Variants in RFPL4B observed in about 807,000 individuals in gnomAD.
RFPL4B encodes the protein ret finger protein like 4B, also known as ret finger protein-like 4B.
For synonymous variants in RFPL4B, 118 were observed against 126.3 expected, an observed-to-expected ratio of 0.93 and a Z score of 0.44; for missense variants, 314 against 327.7, an observed-to-expected ratio of 0.96 and a Z score of 0.32.
Position 112,350,327 on chromosome 6 carries a change from G to A in RFPL4B, c.619G>A (p.Val207Met), listed in dbSNP as rs746489816. Residue 207 changes from valine to methionine, a missense_variant, in exon 3 of 3, where the codon GTG becomes ATG. Physicochemically the swap from Val to Met is conservative, Grantham distance 21. Coordinates refer to ENST00000441065, the MANE Select transcript of RFPL4B (RefSeq NM_001013734.3). ...RIPASPRLRRVGIFLDADLEE... is the reference protein window; with the variant it reads ...RIPASPRLRRMGIFLDADLEE... ...TCCTGCAAGCCCTCGCCTTCGCCGT[G>A]TGGGAATTTTCCTGGATGCTGACTT... The A allele has an allele frequency of 3.1e-6, 5 of 1,614,266 alleles. No individual in the cohort carries two copies. The highest frequency in any genetic ancestry group is 4.2e-6 in the Non-Finnish European group (5 of 1,180,054).
rs1157473175 is a variant in RFPL4B at position 112,351,135 on chromosome 6, A to C, written c.*635A>C. The C allele has an allele frequency of 6.0e-6, 1 of 167,138 alleles. No homozygotes were observed. Among genetic ancestry groups the C allele is most frequent in the Non-Finnish European group, 1.5e-5 (1 of 68,132 alleles). The allele number at this position is 167,138 out of a possible 1,614,324, so 10.4% of individuals were successfully genotyped here. On this transcript the variant is annotated 3_prime_UTR_variant, in exon 3 of 3. Coordinates refer to ENST00000441065, the MANE Select transcript of RFPL4B (RefSeq NM_001013734.3). ...AATGGTGATTCATATTCTTATGGGA[A>C]GTGTCATTTACCCATCTCAATAATT...
Position 112,350,239 on chromosome 6 carries a change from G to A in RFPL4B, c.531G>A (p.Glu177=). The A allele has an allele frequency of 6.2e-7, 1 of 1,614,216 alleles. No individual in the cohort carries two copies. Among genetic ancestry groups the A allele is most frequent in the African/African-American group, 1.3e-5 (1 of 75,042 alleles). The change falls in exon 3 of 3, where the codon GAG becomes GAA. Residue 177 remains glutamate (E), a synonymous_variant. Coordinates refer to ENST00000441065, the MANE Select transcript of RFPL4B (RefSeq NM_001013734.3). ...ADRKSNDLFP[E]HGFWISMKAG... is the part of the protein sequence containing the mutation. ...GAAAGAGCAATGATTTATTCCCTGA[G>A]CATGGCTTCTGGATCAGCATGAAGG...
At chr6:112,347,734 C>T (rs1351420409) in intron 1 of RFPL4B, among the ~76,000 whole-genome samples, 7 of 152,252 alleles carry the variant, frequency 4.6e-5, no homozygotes, top group African/African-American at 1.7e-4. Flanking sequence ...TTCGCGCCTG[C>T]GCTTTGGGAG....
rs1439631075 is a variant in RFPL4B, at chr6:112,350,376, T to A, written c.668T>A (p.Val223Asp). 2 of 1,614,164 alleles carry A rather than the reference T, an allele frequency of 1.2e-6. No individual in the cohort carries two copies. Among genetic ancestry groups the A allele is most frequent in the Non-Finnish European group, 8.5e-7 (1 of 1,179,990 alleles). ...ADLEEIQFFDVDNNVLIYTHD... is the reference protein window; with the variant it reads ...ADLEEIQFFDDDNNVLIYTHD... ...TTAGAAGAAATCCAGTTTTTTGATG[T>A]TGACAATAATGTCCTCATCTATACA... The change falls in exon 3 of 3, where the codon GTT (valine) becomes GAT (aspartate). Residue 223 changes from valine (V) to aspartate (D), a missense_variant. Val to Asp is a radical substitution (Grantham distance 152). Coordinates refer to ENST00000441065, the MANE Select transcript of RFPL4B (RefSeq NM_001013734.3).
At chr6:112,348,516 C>T (rs1290579104) in intron 1 of RFPL4B, among the ~76,000 whole-genome samples, 3 of 152,204 alleles carry the variant, frequency 2.0e-5, no homozygotes, top group African/African-American at 7.2e-5. Context: ...GTGTTCATCA[C>T]TTCCTCTCTC....
Position 112,349,953 on chromosome 6 carries a change from A to C in RFPL4B, c.245A>C (p.Gln82Pro), listed in dbSNP as rs1169922591. 6.2e-7 allele frequency: 1 copy of C among 1,614,128 alleles called. No individual in the cohort carries two copies. The highest frequency in any genetic ancestry group is 1.7e-5 in the Admixed American group (1 of 60,010). ...AAGCAGCACAATAGCCGACTTGAGC[A>C]AAGTCTGCACGTGAGGGAGGAGCTC... ...MTKQHNSRLE[Q>P]SLHVREELRH... is the part of the protein sequence containing the mutation. Residue 82 changes from glutamine to proline, a missense_variant, in exon 3 of 3, where the codon CAA (glutamine) becomes CCA (proline). Coordinates refer to ENST00000441065, the MANE Select transcript of RFPL4B (RefSeq NM_001013734.3).
At chr6:112,348,983 C>A (rs1301190888) in intron 1 of RFPL4B, among the ~76,000 whole-genome samples, 2 of 152,146 alleles carry the variant, frequency 1.3e-5, no homozygotes, top group Non-Finnish European at 2.9e-5. Context: ...TGCTTTAAAG[C>A]ATTTCATCTA....
chr6:112,348,019 T>C (rs1042589553), intron 1 of RFPL4B, among the ~76,000 whole-genome samples: 4 of 152,232 alleles, frequency 2.6e-5, no homozygotes, highest in African/African-American at 9.6e-5. Context: ...TTAAATATAC[T>C]TGGCCACTTT....
In RFPL4B at chr6:112,350,498, T is replaced by A; in HGVS notation, c.790T>A (p.Ter264ArgextTer10). The A allele has an allele frequency of 6.4e-7, 1 of 1,570,690 alleles. No homozygotes were observed. Among genetic ancestry groups the A allele is most frequent in the Non-Finnish European group, 8.6e-7 (1 of 1,157,720 alleles). The change falls in exon 3 of 3, where the codon TGA becomes AGA. Residue 264 changes from the stop codon to arginine (R), a stop_lost. Coordinates refer to ENST00000441065, the MANE Select transcript of RFPL4B (RefSeq NM_001013734.3). The stretch of plus-strand genomic sequence containing the variant: ...TGGCAACGTCCTGACCATCTGCCCA[T>A]GAGAAAGTCAGCCCTTCCTAGAAGC... ...ESGNVLTICP[*>R] is the part of the protein sequence containing the mutation.
rs1249642345 is a variant in RFPL4B, at chr6:112,351,241, T to G, written c.*741T>G. On this transcript the variant is annotated 3_prime_UTR_variant, in exon 3 of 3. Transcript: ENST00000441065. ...TCAAAAATTGTTTTCAAGGTTGCTT[T>G]TGGATTTTTTATTTGTAGAATTTAT... The G allele has an allele frequency of 2.4e-5, 4 of 166,674 alleles. 1 individual carries two copies. In the Admixed American group the frequency reaches 2.6e-4, roughly 11 times the overall value. 10.3% of individuals were successfully genotyped at this position (166,674 alleles called of 1,614,324 possible).
intron 1 of RFPL4B, among the ~76,000 whole-genome samples, chr6:112,348,619 C>T (rs994751046): frequency 6.6e-6 from 1 of 152,194 alleles, no homozygotes; most frequent in African/African-American, 2.4e-5. Flanking sequence ...GTAAGGAGTT[C>T]TGCTAGTTAC....
chr6:112,350,280 C>A lies in RFPL4B; in HGVS notation c.572C>A (p.Ala191Asp). 1 of 1,614,234 alleles carries A rather than the reference C, an allele frequency of 6.2e-7. No homozygotes were observed. The highest frequency in any genetic ancestry group is 8.5e-7 in the Non-Finnish European group (1 of 1,180,034). The change falls in exon 3 of 3, where the codon GCT becomes GAT. Residue 191 changes from alanine (A) to aspartate (D), a missense_variant. By Grantham distance (126) the Ala-to-Asp change is moderately radical. Transcript: ENST00000441065. Reference protein sequence around the residue: ...WISMKAGAIHANTHLERIPAS... With the variant: ...WISMKAGAIHDNTHLERIPAS... ...AGCATGAAGGCAGGAGCAATCCATG[C>A]TAACACCCACCTGGAGAGAATTCCT... is the stretch of plus-strand genomic sequence containing the variant.
chr6:112,347,953 C>G (rs1451372432), intron 1 of RFPL4B, among the ~76,000 whole-genome samples: 1 of 150,910 alleles, frequency 6.6e-6, no homozygotes, highest in East Asian at 2.0e-4. Flanking sequence ...CCAGCCTGGG[C>G]GACAGAGCAA....
chr6:112,350,287 C>T lies in RFPL4B; in HGVS notation c.579C>T (p.Thr193=). The change falls in exon 3 of 3, where the codon ACC becomes ACT. Residue 193 remains threonine, a synonymous_variant. Coordinates refer to ENST00000441065, the MANE Select transcript of RFPL4B (RefSeq NM_001013734.3). ...AGGCAGGAGCAATCCATGCTAACAC[C>T]CACCTGGAGAGAATTCCTGCAAGCC... The part of the protein sequence containing the change: ...SMKAGAIHAN[T]HLERIPASPR... 6.2e-7 allele frequency: 1 copy of T among 1,614,214 alleles called. No homozygotes were observed. Among genetic ancestry groups the T allele is most frequent in the Non-Finnish European group, 8.5e-7 (1 of 1,180,038 alleles).
At position 112,349,783 on chromosome 6, in the gene RFPL4B, T is replaced by C. The variant is rs779945316; in HGVS notation, c.75T>C (p.Ser25=). 1 of 1,614,170 alleles carries C rather than the reference T, an allele frequency of 6.2e-7. No individual in the cohort carries two copies. Among genetic ancestry groups the C allele is most frequent in the Non-Finnish European group, 8.5e-7 (1 of 1,180,024 alleles). Residue 25 remains serine (S), a synonymous_variant, in exon 3 of 3, where the codon TCT becomes TCC. Transcript: ENST00000441065. ...LDFFSCSISL[S]CTHVFCFDCI... ...TTTTCTCCTGTTCCATTTCTCTCTC[T>C]TGTACACACGTGTTCTGCTTTGATT...
chr6:112,348,502 A>G (rs1056521609), intron 1 of RFPL4B, among the ~76,000 whole-genome samples: 5 of 152,206 alleles, frequency 3.3e-5, no homozygotes, highest in African/African-American at 1.2e-4. Flanking sequence ...GGCTGGCCTC[A>G]TCGGTGTTCA....
intron 1 of RFPL4B, 97 bp downstream of exon 1, chr6:112,347,504 G>A (rs1031787853): frequency 6.6e-6 from 1 of 152,156 alleles, no homozygotes; most frequent in Non-Finnish European, 1.5e-5. Flanking sequence ...TTATTTTAGA[G>A]GAGAAAGAAC....
chr6:112,348,254 G>T (rs1789107884), intron 1 of RFPL4B, among the ~76,000 whole-genome samples: 1 of 152,134 alleles, frequency 6.6e-6, no homozygotes, highest in African/African-American at 2.4e-5. Flanking sequence ...AAAGATAACA[G>T]AATTTAAGAA....
At chr6:112,348,715 G>C (rs1416846928) in intron 1 of RFPL4B, among the ~76,000 whole-genome samples, 1 of 152,178 alleles carries the variant, frequency 6.6e-6, no homozygotes, top group African/African-American at 2.4e-5. Flanking sequence ...CTGTCTTTGG[G>C]TCATGGGTCT....
Sources: gnomAD v4.1 joint callset for allele counts (sites outside exome capture counted in the v4.1 genomes callset) on GRCh38, gnomAD v4.1.1 for gene constraint, MANE v1.5 for transcripts, NCBI Gene and HGNC (gene_info 2026-07-23, HGNC 2026-07-21) for gene names.